Variants in ESYT1 observed in about 807,000 individuals in gnomAD.
The protein encoded by ESYT1 is extended synaptotagmin-1.
ESYT1 carries 116 observed loss-of-function variants against 154.2 expected under a neutral mutation model. The observed-to-expected ratio is 0.75, with a 90% CI of 0.65 to 0.88. The LOEUF is 0.88. Among genes scored for constraint, ESYT1 ranks in the 40% least tolerant of loss-of-function variants. ESYT1 has a pLI of 0.00. For missense variants in ESYT1, 1,264 were observed against 1,379.3 expected (o/e 0.92, Z 1.32); for synonymous variants, 500 against 539.9 (o/e 0.93, Z 1.02).
intron 1 of ESYT1, among the ~76,000 whole-genome samples, chr12:56,129,034 C>T (rs527562165): frequency 1.0e-3 from 159 of 152,330 alleles, no homozygotes; most frequent in African/African-American, 3.7e-3. Context: ...CCATCTTGAA[C>T]GTCCCTCTTG....
chr12:56,132,065 T>C (rs1047239224), intron 7 of ESYT1, 144 bp from the exon 8 acceptor site: 37 of 1,312,906 alleles, frequency 2.8e-5, no homozygotes, highest in Non-Finnish European at 4.0e-5. Flanking sequence ...GGTGGGGAAT[T>C]AGGGTAGAAG....
At chr12:56,132,031 C>T (rs539907273) in intron 7 of ESYT1, among the ~76,000 whole-genome samples, 178 bp from the exon 8 acceptor site, 1 of 152,168 alleles carries the variant, frequency 6.6e-6, no homozygotes, top group South Asian at 2.1e-4. Flanking sequence ...ATGGGGATGG[C>T]AGTGAAGAAG....
chr12:56,136,922 T>TG, intron 16 of ESYT1, 29 bp downstream of exon 16: 1 of 1,553,530 alleles, frequency 6.4e-7, no homozygotes, highest in South Asian at 1.2e-5. Context: ...TACTGAGGTG[T>TG]GGGGGAAAGG....
intron 10 of ESYT1, among the ~76,000 whole-genome samples, chr12:56,133,093 C>T (rs1870307815): frequency 2.0e-5 from 3 of 151,732 alleles, no homozygotes; most frequent in South Asian, 4.2e-4. Flanking sequence ...TGCACTCCAG[C>T]CTGGGCGACA....
chr12:56,137,269 C>T lies in ESYT1; in HGVS notation c.1834C>T (p.Pro612Ser). Residue 612 changes from proline to serine, a missense_variant, in exon 17 of 31, where the codon CCT (proline) becomes TCT (serine). Physicochemically the swap from Pro to Ser is moderately conservative, Grantham distance 74. Transcript: ENST00000394048. Reference sequence around the variant, plus strand: ...ATGCTTCCCCACGGTGCCTGGTTGTCCTGGTGCTTGGGACGTGGACAGTGA... The same window carrying T: ...ATGCTTCCCCACGGTGCCTGGTTGTTCTGGTGCTTGGGACGTGGACAGTGA... ...EICFPTVPGC[P>S]GAWDVDSENP... 1 of 1,614,210 alleles carries T rather than the reference C, an allele frequency of 6.2e-7. No homozygotes were observed. The highest frequency in any genetic ancestry group is 2.2e-5 in the East Asian group (1 of 44,888).
At position 56,142,944 on chromosome 12, in the gene ESYT1, A is replaced by AT; in HGVS notation, c.2987+12dup. ...TGTTCATGGTTGCCGGTGAGACCCC[A>AT]TCCCTCCTGTCCTCCAGATCGCCTC... On this transcript the variant is annotated intron_variant, in intron 27 of 30. Transcript: ENST00000394048. The surrounding 1 kb of genome is among the most constrained non-coding windows in gnomAD (Gnocchi z 4.1). 1 of 1,613,982 alleles carries AT rather than the reference A, an allele frequency of 6.2e-7. No individual in the cohort carries two copies. The highest frequency in any genetic ancestry group is 8.5e-7 in the Non-Finnish European group (1 of 1,179,982).
chr12:56,133,068 C>CCGAGAT (rs1362818126), intron 10 of ESYT1, among the ~76,000 whole-genome samples: 2 of 151,870 alleles, frequency 1.3e-5, no homozygotes, highest in Admixed American at 1.3e-4. Context: ...TTGCAGTGAG[C>CCGAGAT]CGAGATCGCG....
At chr12:56,138,626 G>A in intron 22 of ESYT1, 127 bp downstream of exon 22, 1 of 1,273,990 alleles carries the variant, frequency 7.8e-7, no homozygotes, top group Non-Finnish European at 1.1e-6. Context: ...GTGCAGGGGT[G>A]GGAAAAGTTG....
intron 30 of ESYT1, 68 bp downstream of exon 30, chr12:56,143,697 G>GAAA (rs1870808771): frequency 1.9e-6 from 3 of 1,609,424 alleles, no homozygotes. Flanking sequence ...CACAGGAAAG[G>GAAA]AAAAAAAGAT....
At chr12:56,138,698 G>A (rs2136881230) in intron 22 of ESYT1, 70 bp from the exon 23 acceptor site, 1 of 1,466,460 alleles carries the variant, frequency 6.8e-7, no homozygotes, top group Admixed American at 1.7e-5. Context: ...GCTGGCTGTG[G>A]ATATAATTTG....
In ESYT1 at chr12:56,133,397, T is replaced by A. The variant is rs747946650; in HGVS notation, c.1245-20T>A. 3.7e-6 allele frequency: 6 copies of A among 1,613,984 alleles called. No homozygotes were observed. The South Asian group carries it at 6.6e-5, about 18-fold the overall frequency. ...TACCCTTTTCTTCCTTTCACTACCC[T>A]CTCCCCCGCCAACCCTCAGAATGAA... On this transcript the variant is annotated intron_variant, in intron 10 of 30. Coordinates refer to ENST00000394048, the MANE Select transcript of ESYT1 (RefSeq NM_015292.3).
Position 56,136,873 on chromosome 12 carries a change from T to TATATGAAACTA in ESYT1, c.1763_1773dup (p.Val592IlefsTer2). 6.2e-7 allele frequency: 1 copy of TATATGAAACTA among 1,605,752 alleles called. No individual in the cohort carries two copies. Among genetic ancestry groups the TATATGAAACTA allele is most frequent in the Non-Finnish European group, 8.5e-7 (1 of 1,174,896 alleles). On this transcript the variant is annotated frameshift_variant, in exon 16 of 31. Coordinates refer to ENST00000394048, the MANE Select transcript of ESYT1 (RefSeq NM_015292.3). LOFTEE classifies it high-confidence loss of function. Reference sequence around the variant, plus strand: ...CAGCTCTGGTCCAAACTCCAGACTCTATATGAAACTAGTCATGAGGGTATG... The same window carrying TATATGAAACTA: ...CAGCTCTGGTCCAAACTCCAGACTCTATATGAAACTAATATGAAACTAGTCATGAGGGTATG...
chr12:56,138,096 A>T, intron 20 of ESYT1, 22 bp downstream of exon 20: 1 of 1,614,106 alleles, frequency 6.2e-7, no homozygotes, highest in South Asian at 1.1e-5. Context: ...ATTAGAGTCA[A>T]CAACCCCTCC....
At position 56,137,654 on chromosome 12, in the gene ESYT1, CCG is replaced by C. The variant is rs748592407; in HGVS notation, c.2096_2097del (p.Arg699LeufsTer3). On this transcript the variant is annotated frameshift_variant, in exon 18 of 31. Transcript: ENST00000394048. LOFTEE classifies it high-confidence loss of function. ...SHVVREDLNP[R>X]WNEVFEVIVT... ...ATGTTGTTCGGGAAGATCTCAATCC[CCG>C]CTGGAATGAGGTTTTTGAGGTCAGA... The C allele has an allele frequency of 6.2e-7, 1 of 1,614,056 alleles. No homozygotes were observed. The highest frequency in any genetic ancestry group is 8.5e-7 in the Non-Finnish European group (1 of 1,180,004).
At chr12:56,129,822 G>A (rs1445961411) in intron 1 of ESYT1, among the ~76,000 whole-genome samples, 1 of 152,100 alleles carries the variant, frequency 6.6e-6, no homozygotes, top group Non-Finnish European at 1.5e-5. Context: ...TAGGTCTTCT[G>A]GCCCCTCCCT....
chr12:56,131,765 G>A lies in ESYT1; in HGVS notation c.821G>A (p.Trp274Ter). 6.2e-7 allele frequency: 1 copy of A among 1,614,106 alleles called. No homozygotes were observed. The highest frequency in any genetic ancestry group is 8.5e-7 in the Non-Finnish European group (1 of 1,180,022). Residue 274 changes from tryptophan to a stop codon, truncating the protein, a stop_gained, in exon 7 of 31, where the codon TGG becomes TAG. Coordinates refer to ENST00000394048, the MANE Select transcript of ESYT1 (RefSeq NM_015292.3). LOFTEE classifies it high-confidence loss of function. ...FIRRPTLDIN[W>*]TGMTNLLDIP... Reference sequence around the variant, plus strand: ...TCCCTCCAGACCCTAGACATCAACTGGACAGGGATGACCAACCTGCTGGAT... The same window carrying A: ...TCCCTCCAGACCCTAGACATCAACTAGACAGGGATGACCAACCTGCTGGAT...
At chr12:56,137,979 C>T (rs780909198) in intron 19 of ESYT1, 47 bp from the exon 20 acceptor site, 2 of 1,613,066 alleles carry the variant, frequency 1.2e-6, no homozygotes, top group Non-Finnish European at 8.5e-7. Context: ...GTCTGGCCTC[C>T]TTGGTTCTCA....
chr12:56,133,702 G>A, intron 12 of ESYT1, 28 bp downstream of exon 12: 1 of 1,613,794 alleles, frequency 6.2e-7, no homozygotes, highest in Non-Finnish European at 8.5e-7. Context: ...TAGGAAGCTG[G>A]CAGGGGAGAA....
In ESYT1 at chr12:56,138,815, G is replaced by A. The variant is rs1449670358; in HGVS notation, c.2481G>A (p.Val827=). 14 of 1,614,036 alleles carry A rather than the reference G, an allele frequency of 8.7e-6. No homozygotes were observed. The highest frequency in any genetic ancestry group is 1.3e-5 in the African/African-American group (1 of 74,910). The stretch of plus-strand genomic sequence containing the variant: ...TCAGCCCTTATGCTACTCTCACTGT[G>A]GGAGATAGTTCTCATAAAACCAAGG... The part of the protein sequence containing the change: ...KHLSPYATLT[V]GDSSHKTKTI... The change falls in exon 23 of 31, where the codon GTG becomes GTA. Residue 827 remains valine, a synonymous_variant. Coordinates refer to ENST00000394048, the MANE Select transcript of ESYT1 (RefSeq NM_015292.3).
Sources: allele counts gnomAD v4.1 joint callset (sites outside exome capture counted in the v4.1 genomes callset), GRCh38; gene constraint gnomAD v4.1.1; non-coding constraint Gnocchi (gnomAD v3.1); transcripts MANE v1.5; gene names NCBI Gene and HGNC (gene_info 2026-07-23, HGNC 2026-07-21).